The following ST18 variants were observed in gnomAD, a reference collection of about 807,000 sequenced individuals.
ST18 encodes ST18 C2H2C-type zinc finger transcription factor.
A neutral mutation model predicts 110.0 loss-of-function variants in ST18; 50 were observed. That is an observed-to-expected ratio of 0.45 (90% CI 0.36 to 0.58). The LOEUF is 0.58. Ranked by LOEUF, ST18 falls within the 20% of genes least tolerant of loss-of-function variation. ST18 has a pLI of 0.00. For synonymous variants in ST18, 461 were observed against 452.4 expected (o/e 1.02, Z -0.24); for missense variants, 1,306 against 1,280.1 (o/e 1.02, Z -0.31).
intron 2 of ST18, among the ~76,000 whole-genome samples, chr8:52,386,429 G>T (rs1836795427): frequency 6.7e-6 from 1 of 148,852 alleles, no homozygotes. Flanking sequence ...ATGAGTTTTT[G>T]CCACTCTGAT....
intron 2 of ST18, among the ~76,000 whole-genome samples, chr8:52,326,023 T>A (rs530144039): frequency 6.6e-6 from 1 of 152,272 alleles, no homozygotes; most frequent in South Asian, 2.1e-4. Context: ...TTTGGTTGAG[T>A]CCTAGCCTGA....
At chr8:52,141,512 C>A (rs1420878972) in intron 17 of ST18, among the ~76,000 whole-genome samples, 8 of 152,138 alleles carry the variant, frequency 5.3e-5, no homozygotes, top group Non-Finnish European at 1.0e-4. Context: ...CACTTTGTGC[C>A]CTCTGAGGCT....
In ST18 at chr8:52,395,764, C is replaced by A. The variant is rs1840890546; in HGVS notation, c.-465+13564G>T. ...ATGAGCATGCCTGGAAAAGCAGTATCCTCTACAAAACTGAAAGTACTCTCC... is the reference window on the plus strand; with the variant it reads ...ATGAGCATGCCTGGAAAAGCAGTATACTCTACAAAACTGAAAGTACTCTCC... On this transcript the variant is annotated intron_variant, in intron 2 of 25. Transcript: ENST00000689386. 2.6e-5 allele frequency among the ~76,000 whole-genome samples: 4 copies of A among 152,232 alleles called. No homozygotes were observed. The South Asian group carries it at 8.3e-4, about 32-fold the overall frequency.
At chr8:52,202,062 G>C (rs1046400730) in intron 8 of ST18, among the ~76,000 whole-genome samples, 1 of 152,098 alleles carries the variant, frequency 6.6e-6, no homozygotes, top group Non-Finnish European at 1.5e-5. Flanking sequence ...GTTTTAAAGG[G>C]GCCAGAACTA....
At chr8:52,380,036 T>C (rs943908478) in intron 2 of ST18, among the ~76,000 whole-genome samples, 3 of 152,216 alleles carry the variant, frequency 2.0e-5, no homozygotes, top group Admixed American at 2.0e-4. Context: ...TCATCATGTT[T>C]AGTACAAAAC....
intron 2 of ST18, among the ~76,000 whole-genome samples, chr8:52,280,107 A>G (rs1206234938): frequency 6.6e-6 from 1 of 152,088 alleles, no homozygotes; most frequent in South Asian, 2.1e-4. Context: ...GTGTTGGTTA[A>G]TTTTAAACTT....
At chr8:52,143,165 G>A (rs543983392) in intron 16 of ST18, 120 bp from the exon 17 acceptor site, 1 of 659,018 alleles carries the variant, frequency 1.5e-6, no homozygotes, top group Non-Finnish European at 2.7e-6. Flanking sequence ...GGACTTGGCT[G>A]AAATACCTTA....
chr8:52,152,247 T>A (rs2059001817), intron 15 of ST18, among the ~76,000 whole-genome samples: 1 of 152,142 alleles, frequency 6.6e-6, no homozygotes, highest in South Asian at 2.1e-4. Flanking sequence ...TTTCTGCCCA[T>A]AGATAGGCGA....
chr8:52,226,444 G>C (rs145953242), intron 3 of ST18, among the ~76,000 whole-genome samples: 1 of 152,140 alleles, frequency 6.6e-6, no homozygotes, highest in Non-Finnish European at 1.5e-5. Flanking sequence ...GAAAGGAAAT[G>C]TTCAGACTTC....
At chr8:52,272,274 GA>G (rs2095099610) in intron 2 of ST18, among the ~76,000 whole-genome samples, 1 of 152,026 alleles carries the variant, frequency 6.6e-6, no homozygotes, top group Non-Finnish European at 1.5e-5. Flanking sequence ...AAGAGTGGGA[GA>G]AAATATTTGC....
rs963313775 is a variant in ST18 at position 52,112,312 on chromosome 8, G to C, written c.*886C>G. The C allele has an allele frequency of 6.6e-6, 1 of 152,568 alleles. No homozygotes were observed. Among genetic ancestry groups the C allele is most frequent in the African/African-American group, 2.4e-5 (1 of 41,418 alleles). 9.5% of individuals were successfully genotyped at this position (152,568 alleles called of 1,614,324 possible). ...TACCAACATATGGCAGGAAAGCCTG[G>C]CTGGTCACACCAAGTCTTATTTTTC... On this transcript the variant is annotated 3_prime_UTR_variant, in exon 26 of 26. Coordinates refer to ENST00000689386, the MANE Select transcript of ST18 (RefSeq NM_001352837.2).
intron 22 of ST18, among the ~76,000 whole-genome samples, chr8:52,130,515 A>G (rs1268236608): frequency 6.6e-6 from 1 of 152,258 alleles, no homozygotes; most frequent in Non-Finnish European, 1.5e-5. Context: ...GTCTGGAGTT[A>G]GTAGAGCAAC....
intron 9 of ST18, 120 bp from the exon 10 acceptor site, chr8:52,172,703 A>ATGTG: frequency 1.1e-5 from 7 of 654,292 alleles, no homozygotes; most frequent in Non-Finnish European, 1.8e-5. Flanking sequence ...ACACATACAT[A>ATGTG]TATGTACACA....
chr8:52,230,484 C>T (rs1010741870), intron 2 of ST18, among the ~76,000 whole-genome samples: 51 of 152,024 alleles, frequency 3.4e-4, no homozygotes, highest in African/African-American at 1.1e-3. Context: ...ACAGCCCGCA[C>T]GGCAGCTGTA....
At chr8:52,240,812 C>T (rs1178794476) in intron 2 of ST18, among the ~76,000 whole-genome samples, 1 of 152,122 alleles carries the variant, frequency 6.6e-6, no homozygotes, top group Non-Finnish European at 1.5e-5. Context: ...TCAGTCTTTT[C>T]CTGAAGAAGC....
chr8:52,122,045 C>T lies in ST18; in HGVS notation c.2756-3604G>A, dbSNP rs140609523. ...ATTTTTAGTAAAGACAGAGTTTCACCATGTTGGTCAGGATGGTCTCAATCT... is the reference window on the plus strand; with the variant it reads ...ATTTTTAGTAAAGACAGAGTTTCACTATGTTGGTCAGGATGGTCTCAATCT... On this transcript the variant is annotated intron_variant, in intron 23 of 25. Transcript: ENST00000689386. 7.7e-3 allele frequency among the ~76,000 whole-genome samples: 1,179 copies of T among 152,166 alleles called. 23 individuals carry two copies. Among genetic ancestry groups the T allele is most frequent in the East Asian group, 0.074 (381 of 5,170 alleles).
chr8:52,114,731 T>C (rs1406937671), intron 25 of ST18, among the ~76,000 whole-genome samples: 1 of 152,192 alleles, frequency 6.6e-6, no homozygotes, highest in Non-Finnish European at 1.5e-5. Context: ...CGGGCCCACT[T>C]GCCTTGTGTT....
chr8:52,252,040 A>T (rs2094337247), intron 2 of ST18, among the ~76,000 whole-genome samples: 3 of 152,098 alleles, frequency 2.0e-5, no homozygotes, highest in Admixed American at 2.0e-4. Flanking sequence ...ATGTTTGTTC[A>T]CATTGCTCTA....
At chr8:52,151,407 G>A (rs1177726747) in intron 15 of ST18, among the ~76,000 whole-genome samples, 3 of 152,172 alleles carry the variant, frequency 2.0e-5, no homozygotes, top group African/African-American at 4.8e-5. Flanking sequence ...TGCTTTGGCC[G>A]TATCTTTCTG....
Sources: allele counts gnomAD v4.1 joint callset (sites outside exome capture counted in the v4.1 genomes callset), GRCh38; gene constraint gnomAD v4.1.1; transcripts MANE v1.5; gene names NCBI Gene and HGNC (gene_info 2026-07-23, HGNC 2026-07-21).